The following PHKA2 variants were observed in gnomAD, a reference collection of about 807,000 sequenced individuals.
PHKA2 encodes phosphorylase b kinase regulatory subunit alpha, liver isoform.
A neutral mutation model predicts 102.0 loss-of-function variants in PHKA2; 31 were observed. The ratio of observed to expected loss-of-function variants is 0.30; its 90% CI spans 0.23 to 0.41. The LOEUF (loss-of-function observed/expected upper bound fraction) is 0.41. Ranked by LOEUF, PHKA2 falls within the 10% of genes least tolerant of loss-of-function variation. PHKA2 has a pLI of 1.00. For missense variants in PHKA2, 858 were observed against 1,023.1 expected, an observed-to-expected ratio of 0.84 and a Z score of 2.20; for synonymous variants, 455 against 416.2, an observed-to-expected ratio of 1.09 and a Z score of -1.13.
chrX:18,927,762 A>G (rs1231682711), intron 13 of PHKA2, among the ~76,000 whole-genome samples: 1 of 111,820 alleles, frequency 8.9e-6, no homozygotes, highest in Non-Finnish European at 1.9e-5. Flanking sequence ...AAATGGGAAC[A>G]TCAGCCATGC....
chrX:18,947,579 G>A (rs970076099), intron 5 of PHKA2, among the ~76,000 whole-genome samples: 16 of 112,277 alleles, frequency 1.4e-4, no homozygotes, highest in Middle Eastern at 4.6e-3. Flanking sequence ...TATGCATCCC[G>A]TAGGACATGT....
At chrX:18,908,780 C>T (rs761394286) in intron 21 of PHKA2, 21 bp downstream of exon 21, 23 of 1,166,047 alleles carry the variant, frequency 2.0e-5, no homozygotes, top group East Asian at 6.0e-5. Flanking sequence ...TATAACTGCC[C>T]GAATGGACTC....
At chrX:18,918,546 A>G (rs2048058843) in intron 19 of PHKA2, 135 bp downstream of exon 19, 5 of 546,979 alleles carry the variant, frequency 9.1e-6, no homozygotes, top group African/African-American at 4.5e-5. Flanking sequence ...AAGAGTTGAA[A>G]GTGGTTACCT....
chrX:18,914,125 G>A (rs189855047), intron 19 of PHKA2, among the ~76,000 whole-genome samples: 143 of 112,420 alleles, frequency 1.3e-3, no homozygotes, highest in African/African-American at 4.4e-3. Flanking sequence ...TACTGGCATC[G>A]CCACAAACAT....
At position 18,969,946 on chromosome X, in the gene PHKA2, A is replaced by T. The variant is rs2148028428; in HGVS notation, c.78+13909T>A. Reference sequence around the variant, plus strand: ...TTTACTCGTCTTTAAATTTTTTAATAGACAAAAATTAGGCTGGATGTGATG... The same window carrying T: ...TTTACTCGTCTTTAAATTTTTTAATTGACAAAAATTAGGCTGGATGTGATG... On this transcript the variant is annotated intron_variant, in intron 1 of 32. Transcript: ENST00000379942. Among the ~76,000 whole-genome samples, 2 of 112,786 alleles carry T rather than the reference A, an allele frequency of 1.8e-5. 1 individual carries two copies. The highest frequency in any genetic ancestry group is 7.3e-4 in the South Asian group (2 of 2,755).
chrX:18,928,756 C>T (rs781664249), intron 13 of PHKA2, among the ~76,000 whole-genome samples: 13 of 112,378 alleles, frequency 1.2e-4, no homozygotes, highest in Non-Finnish European at 2.3e-4. Context: ...CTTGGCTAGG[C>T]GGAGGGCAGC....
intron 5 of PHKA2, among the ~76,000 whole-genome samples, chrX:18,945,953 A>C (rs1055233543): frequency 1.8e-5 from 2 of 109,484 alleles, no homozygotes; most frequent in African/African-American, 6.7e-5. Context: ...ATTTTTTGAG[A>C]TGGAGTCTGG....
chrX:18,945,881 T>C (rs2048569608), intron 5 of PHKA2, among the ~76,000 whole-genome samples: 1 of 112,218 alleles, frequency 8.9e-6, no homozygotes, highest in Admixed American at 9.4e-5. Flanking sequence ...ATGCCAACAT[T>C]TCAATCTTTA....
rs2048681227 is a variant in PHKA2, at chrX:18,951,268, G to A, written c.290C>T (p.Ala97Val). 8.3e-7 allele frequency: 1 copy of A among 1,209,251 alleles called. No individual in the cohort carries two copies. The highest frequency in any genetic ancestry group is 2.2e-5 in the Admixed American group (1 of 45,838). The change falls in exon 4 of 33, where the codon GCC becomes GTC. Residue 97 changes from alanine (A) to valine (V), a missense_variant. Physicochemically the swap from Ala to Val is moderately conservative, Grantham distance 64. Transcript: ENST00000379942. ...AGTGTGTTTGAACTTCTCCACTTTG[G>A]CCACCTGAGGGAGAAGGCAAGCCCG... is the stretch of plus-strand genomic sequence containing the variant. ...GLLQCMMRQVAKVEKFKHTQS... is the reference protein window; with the variant it reads ...GLLQCMMRQVVKVEKFKHTQS...
At chrX:18,951,770 G>A in intron 3 of PHKA2, among the ~76,000 whole-genome samples, 1 of 111,222 alleles carries the variant, frequency 9.0e-6, no homozygotes. Flanking sequence ...CATGCTCAAT[G>A]AATTGTTTTA....
At chrX:18,908,341 G>A (rs987120564) in intron 21 of PHKA2, among the ~76,000 whole-genome samples, 3 of 112,499 alleles carry the variant, frequency 2.7e-5, no homozygotes, top group Non-Finnish European at 5.6e-5. Flanking sequence ...GGGTAACTGG[G>A]GTGAATATAA....
In PHKA2 at chrX:18,952,022, A is replaced by G. The variant is rs185975197; in HGVS notation, c.285+472T>C. On this transcript the variant is annotated intron_variant, in intron 3 of 32. Coordinates refer to ENST00000379942, the MANE Select transcript of PHKA2 (RefSeq NM_000292.3). ...AGAAACTGTCCTTTGAGACTGTGATACAATAGTAAAGTTACTGAAAATAAT... is the reference window on the plus strand; with the variant it reads ...AGAAACTGTCCTTTGAGACTGTGATGCAATAGTAAAGTTACTGAAAATAAT... 2.4e-3 allele frequency among the ~76,000 whole-genome samples: 259 copies of G among 109,565 alleles called. 4 individuals carry two copies. The highest frequency in any genetic ancestry group is 8.3e-3 in the African/African-American group (250 of 30,067).
Position 18,910,918 on chromosome X carries a change from C to T in PHKA2, c.2180G>A (p.Arg727His), listed in dbSNP as rs1324708505. ...AGAATCAACAAGATTCAGTGATTTA[C>T]GGTGGGCACTTAGAACTTTAGTCGG... is the stretch of plus-strand genomic sequence containing the variant. ...TLPTKVLSAH[R>H]KSLNLVDSPQ... is the part of the protein sequence containing the mutation. The change falls in exon 20 of 33, where the codon CGT (arginine) becomes CAT (histidine). Residue 727 changes from arginine to histidine, a missense_variant. Arg to His is a conservative substitution (Grantham distance 29). Transcript: ENST00000379942. 6 of 1,192,890 alleles carry T rather than the reference C, an allele frequency of 5.0e-6. No individual in the cohort carries two copies. Among genetic ancestry groups the T allele is most frequent in the East Asian group, 6.0e-5 (2 of 33,099 alleles).
At chrX:18,967,135 C>T (rs1358287257) in intron 1 of PHKA2, among the ~76,000 whole-genome samples, 1 of 111,266 alleles carries the variant, frequency 9.0e-6, no homozygotes, top group Non-Finnish European at 1.9e-5. Flanking sequence ...CTTGGGTTTG[C>T]TGGAAGGAAT....
intron 18 of PHKA2, among the ~76,000 whole-genome samples, chrX:18,919,150 G>A (rs2048072711): frequency 8.9e-6 from 1 of 112,008 alleles, no homozygotes; most frequent in Non-Finnish European, 1.9e-5. Context: ...ATGTAAGACA[G>A]CCTGAAGGAT....
At chrX:18,906,437 G>A (rs1047736605) in intron 25 of PHKA2, 58 bp downstream of exon 25, 13 of 1,196,516 alleles carry the variant, frequency 1.1e-5, no homozygotes, top group South Asian at 7.1e-5. Context: ...AGTGGAGGCC[G>A]TGGCCGGGTG....
chrX:18,980,527 C>T (rs902013376), intron 1 of PHKA2, among the ~76,000 whole-genome samples: 3 of 112,661 alleles, frequency 2.7e-5, no homozygotes, highest in Non-Finnish European at 5.6e-5. Context: ...ATCTAGCCTA[C>T]GTGCACATTC....
chrX:18,893,334 T>A lies in PHKA2; in HGVS notation c.*151A>T, dbSNP rs1601684847. 3.5e-6 allele frequency: 2 copies of A among 574,738 alleles called. No individual in the cohort carries two copies. The highest frequency in any genetic ancestry group is 5.9e-6 in the Non-Finnish European group (2 of 336,908). The allele number at this position is 574,738 out of a possible 1,213,427, so 47.4% of individuals were successfully genotyped here. ...TCTGTGGCTTTAACATACATCAGTT[T>A]CAGGGTGAGTGCTACCATTGCCCCC... On this transcript the variant is annotated 3_prime_UTR_variant, in exon 33 of 33. Coordinates refer to ENST00000379942, the MANE Select transcript of PHKA2 (RefSeq NM_000292.3).
rs879137819 is a variant in PHKA2, at chrX:18,892,743, CT to C, written c.*741del. On this transcript the variant is annotated 3_prime_UTR_variant, in exon 33 of 33. Coordinates refer to ENST00000379942, the MANE Select transcript of PHKA2 (RefSeq NM_000292.3). ...TGCCTGGCTATAAGAGGAGCCTTGT[CT>C]TTTTTTTTTTTTTTTTCTAGATTCC... 2,629 of 94,044 alleles carry C rather than the reference CT, an allele frequency of 0.028. 41 individuals are homozygous for C. The highest frequency in any genetic ancestry group is 0.091 in the Middle Eastern group (17 of 187). 7.8% of individuals were successfully genotyped at this position (94,044 alleles called of 1,213,427 possible).
Sources: gnomAD v4.1 joint callset for allele counts (sites outside exome capture counted in the v4.1 genomes callset) on GRCh38, gnomAD v4.1.1 for gene constraint, MANE v1.5 for transcripts, NCBI Gene and HGNC (gene_info 2026-07-23, HGNC 2026-07-21) for gene names.